CACNA1E: variants seen among roughly 807,000 people sequenced by gnomAD.
CACNA1E encodes calcium voltage-gated channel subunit alpha1 E.
A neutral mutation model predicts 259.2 loss-of-function variants in CACNA1E; 40 were observed. The observed-to-expected ratio is 0.15, with a 90% CI of 0.12 to 0.20. CACNA1E has a LOEUF of 0.20. Ranked by LOEUF, CACNA1E falls within the 10% of genes least tolerant of loss-of-function variation. The pLI, the probability that CACNA1E is intolerant of heterozygous loss-of-function variation, is 1.00. For missense variants in CACNA1E, 1,874 were observed against 3,040.1 expected (o/e 0.62, Z 9.02); for synonymous variants, 1,104 against 1,138.5 (o/e 0.97, Z 0.61).
At chr1:181,473,132 G>A (rs1662620787) in intron 2 of CACNA1E, among the ~76,000 whole-genome samples, 1 of 152,058 alleles carries the variant, frequency 6.6e-6, no homozygotes, top group African/African-American at 2.4e-5. Flanking sequence ...TATTTGTATC[G>A]CCGGTGCAGC....
chr1:181,680,786 C>T (rs72733172), intron 7 of CACNA1E, among the ~76,000 whole-genome samples: 18,884 of 152,184 alleles, frequency 0.12, 1,195 homozygotes, highest in Admixed American at 0.16. Flanking sequence ...TTCCTTGAGA[C>T]CTTCCTTCTC....
chr1:181,516,784 T>G (rs1666617891), intron 3 of CACNA1E, among the ~76,000 whole-genome samples: 2 of 152,254 alleles, frequency 1.3e-5, no homozygotes, highest in Admixed American at 6.5e-5. Flanking sequence ...TCTTGAGTGT[T>G]GGTAATATTG....
chr1:181,708,862 G>C (rs190263926), intron 7 of CACNA1E, among the ~76,000 whole-genome samples: 4 of 152,282 alleles, frequency 2.6e-5, no homozygotes, highest in Admixed American at 2.6e-4. Flanking sequence ...CATGTTACTT[G>C]CCATGGTTAG....
chr1:181,686,290 T>TTG (rs1305000027), intron 7 of CACNA1E, among the ~76,000 whole-genome samples: 1 of 137,250 alleles, frequency 7.3e-6, no homozygotes, highest in African/African-American at 2.7e-5. Flanking sequence ...TTTTTTTTTT[T>TTG]TTTTTTTTTT....
At chr1:181,753,856 G>A (rs1657815294) in intron 27 of CACNA1E, among the ~76,000 whole-genome samples, 1 of 152,186 alleles carries the variant, frequency 6.6e-6, no homozygotes, top group Non-Finnish European at 1.5e-5. Flanking sequence ...GAGAGGCCCC[G>A]ATGTGACTGA....
At chr1:181,462,661 T>C (rs1404860819) in intron 2 of CACNA1E, among the ~76,000 whole-genome samples, 1 of 152,240 alleles carries the variant, frequency 6.6e-6, no homozygotes, top group African/African-American at 2.4e-5. Context: ...GAGATTGATA[T>C]TTCATTACCA....
At chr1:181,786,180 T>C (rs1244283330) in intron 43 of CACNA1E, among the ~76,000 whole-genome samples, 1 of 152,222 alleles carries the variant, frequency 6.6e-6, no homozygotes, top group Non-Finnish European at 1.5e-5. Flanking sequence ...TGCTGGAAGA[T>C]AGAGCCTCCC....
Position 181,783,132 on chromosome 1 carries a change from A to C in CACNA1E, c.5365-547A>C, listed in dbSNP as rs1288338927. Reference sequence around the variant, plus strand: ...AGACAAGTTGGACTTATGCATGTTCAATCATGTGCGGGCAAATTTCATCTA... The same window carrying C: ...AGACAAGTTGGACTTATGCATGTTCCATCATGTGCGGGCAAATTTCATCTA... On this transcript the variant is annotated intron_variant, in intron 39 of 47. Coordinates refer to ENST00000367573, the MANE Select transcript of CACNA1E (RefSeq NM_001205293.3). Among the ~76,000 whole-genome samples, 13 of 152,162 alleles carry C rather than the reference A, an allele frequency of 8.5e-5. No homozygotes were observed. The East Asian group carries it at 2.5e-3, about 29-fold the overall frequency.
At chr1:181,429,919 G>A (rs999654406) in intron 2 of CACNA1E, among the ~76,000 whole-genome samples, 6 of 152,334 alleles carry the variant, frequency 3.9e-5, no homozygotes, top group Admixed American at 3.9e-4. Context: ...CATTGATTGA[G>A]ACCCATGGCA....
intron 2 of CACNA1E, among the ~76,000 whole-genome samples, chr1:181,439,717 A>G (rs1660329321): frequency 1.3e-5 from 2 of 152,214 alleles, no homozygotes; most frequent in Admixed American, 1.3e-4. Flanking sequence ...CAGATACAGT[A>G]TAATACTAAC....
At chr1:181,446,357 C>A (rs1161146452) in intron 2 of CACNA1E, among the ~76,000 whole-genome samples, 1 of 152,198 alleles carries the variant, frequency 6.6e-6, no homozygotes, top group Non-Finnish European at 1.5e-5. Context: ...GGGTTTCATT[C>A]TGAGCACGTC....
In CACNA1E at chr1:181,330,259, T is replaced by C. The variant is rs563360014; in HGVS notation, c.-15+12136T>C. Among the ~76,000 whole-genome samples the C allele has an allele frequency of 1.4e-4, 22 of 152,214 alleles. No homozygotes were observed. The South Asian group carries it at 4.4e-3, about 30-fold the overall frequency. On this transcript the variant is annotated intron_variant, in intron 1 of 11. Transcript: ENST00000524607. ...ATGAAGGCATCCCGGCACCCTGATT[T>C]CGCTCTGATTCCTGCTTCCTCTGGC...
At chr1:181,474,933 C>A (rs1662746658) in intron 2 of CACNA1E, among the ~76,000 whole-genome samples, 1 of 152,174 alleles carries the variant, frequency 6.6e-6, no homozygotes, top group South Asian at 2.1e-4. Context: ...TAATTTCCTA[C>A]AAGGGAAGTA....
At position 181,515,246 on chromosome 1, in the gene CACNA1E, G is replaced by A. The variant is rs187007892; in HGVS notation, c.512+3736G>A. On this transcript the variant is annotated intron_variant, in intron 3 of 47. Transcript: ENST00000367573. The stretch of plus-strand genomic sequence containing the variant: ...CACATGTGAGTTGAAGGGGACAGGG[G>A]CCCAATGTGTCCATCCTGAGACTTC... Among the ~76,000 whole-genome samples the A allele has an allele frequency of 8.3e-4, 127 of 152,288 alleles. 1 individual carries two copies. The East Asian group carries it at 0.02, about 23-fold the overall frequency.
intron 1 of CACNA1E, among the ~76,000 whole-genome samples, chr1:181,357,063 C>A (rs574018166): frequency 2.0e-5 from 3 of 152,118 alleles, no homozygotes; most frequent in Non-Finnish European, 4.4e-5. Flanking sequence ...TTTTTAGCAG[C>A]GAATGTGATT....
chr1:181,482,403 G>T (rs538016317), upstream of CACNA1E, among the ~76,000 whole-genome samples: 53 of 152,378 alleles, frequency 3.5e-4, no homozygotes, highest in African/African-American at 1.3e-3. Context: ...CGCATCGCTG[G>T]CTGCACCTGC....
rs547256240 is a variant in CACNA1E, at chr1:181,723,386, C to G, written c.2075-1084C>G. Among the ~76,000 whole-genome samples the G allele has an allele frequency of 3.2e-4, 48 of 152,274 alleles. 1 individual carries two copies. The highest frequency in any genetic ancestry group is 3.1e-3 in the South Asian group (15 of 4,828). Reference sequence around the variant, plus strand: ...GTAGAGGCCACAGCTGTCTAAAGACCTTTTGAATGTGGCTGAACAAACTCA... The same window carrying G: ...GTAGAGGCCACAGCTGTCTAAAGACGTTTTGAATGTGGCTGAACAAACTCA... On this transcript the variant is annotated intron_variant, in intron 16 of 47. Coordinates refer to ENST00000367573, the MANE Select transcript of CACNA1E (RefSeq NM_001205293.3).
At chr1:181,563,071 G>T (rs1313760479) in intron 3 of CACNA1E, among the ~76,000 whole-genome samples, 4 of 152,092 alleles carry the variant, frequency 2.6e-5, no homozygotes, top group African/African-American at 9.7e-5. Context: ...AAAGCATTTT[G>T]TTTTCTCTGA....
At chr1:181,455,770 A>G (rs1661427101) in intron 2 of CACNA1E, among the ~76,000 whole-genome samples, 1 of 152,028 alleles carries the variant, frequency 6.6e-6, no homozygotes, top group Admixed American at 6.5e-5. Context: ...AATGGGTTAG[A>G]TGGTCTTTGC....
Sources: allele counts gnomAD v4.1 joint callset (sites outside exome capture counted in the v4.1 genomes callset), GRCh38; gene constraint gnomAD v4.1.1; transcripts MANE v1.5; gene names NCBI Gene and HGNC (gene_info 2026-07-23, HGNC 2026-07-21).